SNX13: variants seen among roughly 807,000 people sequenced by gnomAD.
SNX13 encodes sorting nexin 13.
A neutral mutation model predicts 133.6 loss-of-function variants in SNX13; 45 were observed. That is an observed-to-expected ratio of 0.34 (90% confidence interval 0.27 to 0.43). The LOEUF is 0.43. Ranked by LOEUF, SNX13 falls within the 20% of genes least tolerant of loss-of-function variation. The pLI, the probability that SNX13 is intolerant of heterozygous loss-of-function variation, is 1.00. For synonymous variants in SNX13, 414 were observed against 373.9 expected (o/e 1.11, Z -1.24); for missense variants, 1,032 against 1,145.1 (o/e 0.90, Z 1.43).
intron 15 of SNX13, chr7:17,830,401 T>C: frequency 2.0e-6 from 2 of 984,338 alleles, no homozygotes; most frequent in Non-Finnish European, 2.4e-6. Flanking sequence ...TGAGGCCCAT[T>C]AGGAAACACC....
intron 15 of SNX13, chr7:17,832,471 T>G: frequency 1.0e-6 from 1 of 983,926 alleles, no homozygotes; most frequent in Non-Finnish European, 1.2e-6. Flanking sequence ...CTGAGTCACC[T>G]AGCAAATCCA....
At chr7:17,916,025 C>A (rs1413021652) in intron 1 of SNX13, among the ~76,000 whole-genome samples, 1 of 152,078 alleles carries the variant, frequency 6.6e-6, no homozygotes, top group Non-Finnish European at 1.5e-5. Flanking sequence ...CAAAAAAATA[C>A]ATGGAAACTA....
Position 17,831,531 on chromosome 7 carries a change from G to A in SNX13, c.1598-1484C>T, listed in dbSNP as rs556336572. Reference sequence around the variant, plus strand: ...AATTCTCTACCTACTGTTAAGTTTGGTTAAATAGGAATGAAATTTCTACTC... The same window carrying A: ...AATTCTCTACCTACTGTTAAGTTTGATTAAATAGGAATGAAATTTCTACTC... On this transcript the variant is annotated intron_variant, in intron 15 of 25. Coordinates refer to ENST00000428135, the MANE Select transcript of SNX13 (RefSeq NM_015132.5). 4.1e-6 allele frequency: 4 copies of A among 984,156 alleles called. No homozygotes were observed. In the Admixed American group the frequency reaches 1.9e-4, roughly 46 times the overall value. 61.0% of individuals were successfully genotyped at this position (984,156 alleles called of 1,614,324 possible).
intron 1 of SNX13, chr7:17,898,379 T>G (rs1797448722): frequency 6.6e-6 from 1 of 152,076 alleles, no homozygotes; most frequent in Admixed American, 6.6e-5. Context: ...TGAACAAAAT[T>G]AATGACCAAA....
At chr7:17,850,777 TA>T in intron 10 of SNX13, 48 bp downstream of exon 10, 1 of 1,363,282 alleles carries the variant, frequency 7.3e-7, no homozygotes, top group Non-Finnish European at 9.6e-7. Context: ...GTTTTGAAGA[TA>T]AAATAATACT....
At chr7:17,924,843 C>G (rs1021347079) in intron 1 of SNX13, among the ~76,000 whole-genome samples, 2 of 152,110 alleles carry the variant, frequency 1.3e-5, no homozygotes, top group Non-Finnish European at 2.9e-5. Context: ...ATCTTGAAAA[C>G]AAGCTAAGTG....
chr7:17,904,432 C>T (rs751237415), intron 1 of SNX13, among the ~76,000 whole-genome samples: 2 of 151,826 alleles, frequency 1.3e-5, no homozygotes, highest in Admixed American at 1.3e-4. Context: ...TAATTTAGGC[C>T]TAGGTTATCA....
Position 17,917,866 on chromosome 7 carries a change from A to T in SNX13, c.13-20420T>A, listed in dbSNP as rs80052501. Reference sequence around the variant, plus strand: ...CAATCCCAAGCAAAAGAAAATAGGTATCACATTACCTGACTTAAAACTATA... The same window carrying T: ...CAATCCCAAGCAAAAGAAAATAGGTTTCACATTACCTGACTTAAAACTATA... On this transcript the variant is annotated intron_variant, in intron 1 of 25. Coordinates refer to ENST00000428135, the MANE Select transcript of SNX13 (RefSeq NM_015132.5). Among the ~76,000 whole-genome samples the T allele has an allele frequency of 7.6e-3, 1,163 of 152,202 alleles. 5 individuals carry two copies. The highest frequency in any genetic ancestry group is 0.012 in the Non-Finnish European group (808 of 67,972).
At chr7:17,829,675 C>T (rs1788268098) in intron 16 of SNX13, among the ~76,000 whole-genome samples, 1 of 151,060 alleles carries the variant, frequency 6.6e-6, no homozygotes, top group South Asian at 2.1e-4. Flanking sequence ...AAACTTATTG[C>T]CTATCATAGC....
At chr7:17,911,234 T>C (rs1344297732) in intron 1 of SNX13, among the ~76,000 whole-genome samples, 1 of 152,220 alleles carries the variant, frequency 6.6e-6, no homozygotes, top group Non-Finnish European at 1.5e-5. Flanking sequence ...ACTGTATCTG[T>C]AGCACTGAAT....
intron 5 of SNX13, among the ~76,000 whole-genome samples, chr7:17,886,336 G>A (rs1239639740): frequency 6.6e-6 from 1 of 152,096 alleles, no homozygotes; most frequent in East Asian, 1.9e-4. Flanking sequence ...TTGGGAGGCT[G>A]AGGGGGGCGG....
chr7:17,832,215 A>G (rs928757595), intron 15 of SNX13: 1 of 984,460 alleles, frequency 1.0e-6, no homozygotes, highest in Non-Finnish European at 1.2e-6. Flanking sequence ...TTAAAAAAGT[A>G]CAGTGTATGA....
intron 20 of SNX13, among the ~76,000 whole-genome samples, chr7:17,810,320 A>G (rs549794777): frequency 6.6e-6 from 1 of 152,324 alleles, no homozygotes; most frequent in South Asian, 2.1e-4. Flanking sequence ...ACAAACTACC[A>G]TCAGAGAACA....
intron 17 of SNX13, 64 bp from the exon 18 acceptor site, chr7:17,821,712 G>A (rs755547186): frequency 4.0e-5 from 59 of 1,489,840 alleles, no homozygotes; most frequent in Admixed American, 2.2e-4. Context: ...GAAGAGGAAC[G>A]AAAGACACAA....
At chr7:17,911,178 C>G (rs958899405) in intron 1 of SNX13, among the ~76,000 whole-genome samples, 21 of 152,180 alleles carry the variant, frequency 1.4e-4, no homozygotes, top group African/African-American at 4.8e-4. Flanking sequence ...GTTTCTTCAT[C>G]TGTACAACAG....
intron 25 of SNX13, chr7:17,796,595 G>A (rs1784078819): frequency 2.4e-6 from 1 of 423,038 alleles, no homozygotes; most frequent in Non-Finnish European, 4.3e-6. Flanking sequence ...ACCTCTCTGA[G>A]CTTCCGTTTC....
At chr7:17,837,135 T>A (rs569542936) in intron 13 of SNX13, among the ~76,000 whole-genome samples, 37 of 151,310 alleles carry the variant, frequency 2.4e-4, no homozygotes, top group East Asian at 9.7e-4. Context: ...ATAAACTTTT[T>A]AAAAAAAAAA....
intron 9 of SNX13, among the ~76,000 whole-genome samples, chr7:17,866,380 G>T (rs1793401701): frequency 6.6e-6 from 1 of 151,448 alleles, no homozygotes; most frequent in Non-Finnish European, 1.5e-5. Context: ...TGGAAAACAG[G>T]TTATTAAAAA....
At chr7:17,876,562 G>C (rs1351709364) in intron 5 of SNX13, among the ~76,000 whole-genome samples, 1 of 117,038 alleles carries the variant, frequency 8.5e-6, no homozygotes, top group African/African-American at 3.6e-5. Flanking sequence ...CCTGGGAACA[G>C]AGCTATCTCA....
Sources: gnomAD v4.1 joint callset for allele counts (sites outside exome capture counted in the v4.1 genomes callset) on GRCh38, gnomAD v4.1.1 for gene constraint, MANE v1.5 for transcripts, NCBI Gene and HGNC (gene_info 2026-07-23, HGNC 2026-07-21) for gene names.